COL13A1: variants seen among roughly 807,000 people sequenced by gnomAD.
The protein encoded by COL13A1 is collagen type XIII alpha 1 chain, also known as collagen alpha-1(XIII) chain.
Under a neutral mutation model 130.9 loss-of-function variants are expected in COL13A1, and 89 were observed. The observed-to-expected ratio is 0.68, with a 90% confidence interval of 0.57 to 0.81. The LOEUF is 0.81. Among genes scored for constraint, COL13A1 ranks in the 30% least tolerant of loss-of-function variants. COL13A1 has a pLI of 0.00. For missense variants in COL13A1, 879 were observed against 934.6 expected, an observed-to-expected ratio of 0.94 and a Z score of 0.78; for synonymous variants, 402 against 341.6, an observed-to-expected ratio of 1.18 and a Z score of -1.95.
intron 7 of COL13A1, among the ~76,000 whole-genome samples, chr10:69,885,146 AGG>A (rs879345134): frequency 1.3e-5 from 2 of 152,372 alleles, no homozygotes; most frequent in African/African-American, 4.8e-5. Context: ...AAACTGGGGA[AGG>A]CCCTTTTAAA....
intron 34 of COL13A1, among the ~76,000 whole-genome samples, chr10:69,938,326 G>T (rs899483464): frequency 6.6e-5 from 10 of 152,142 alleles, no homozygotes; most frequent in African/African-American, 2.4e-4. Context: ...GCTGGATAGG[G>T]CTGATGGCCT....
Position 69,940,972 on chromosome 10 carries a change from T to C in COL13A1, c.1879-16T>C. The C allele has an allele frequency of 6.2e-7, 1 of 1,613,962 alleles. No homozygotes were observed. Among genetic ancestry groups the C allele is most frequent in the South Asian group, 1.1e-5 (1 of 91,082 alleles). ...TCTCTTCCCCTTCTTTTGGTCAAAC[T>C]GTGCCCTTCGTCCAGGGAGCTTCAG... On this transcript the variant is annotated splice_polypyrimidine_tract_variant and intron_variant, in intron 34 of 40. Coordinates refer to ENST00000645393, the MANE Select transcript of COL13A1 (RefSeq NM_001368882.1).
chr10:69,944,506 A>T (rs1363859866), intron 36 of COL13A1, among the ~76,000 whole-genome samples: 4 of 152,088 alleles, frequency 2.6e-5, no homozygotes, highest in East Asian at 3.9e-4. Context: ...AAATTTTTTT[A>T]AAATTAGCCA....
At chr10:69,885,253 T>C (rs1313976116) in intron 7 of COL13A1, among the ~76,000 whole-genome samples, 1 of 152,146 alleles carries the variant, frequency 6.6e-6, no homozygotes, top group Non-Finnish European at 1.5e-5. Context: ...AATGCCAAAT[T>C]AGAAAGAATA....
At chr10:69,822,511 G>T in intron 2 of COL13A1, 73 bp downstream of exon 2, 1 of 1,167,472 alleles carries the variant, frequency 8.6e-7, no homozygotes, top group South Asian at 1.8e-5. Context: ...TGGTGGCCAT[G>T]CTCTAGCCAC....
At chr10:69,827,481 T>C (rs1847769925) in intron 2 of COL13A1, among the ~76,000 whole-genome samples, 1 of 152,168 alleles carries the variant, frequency 6.6e-6, no homozygotes, top group Admixed American at 6.5e-5. Flanking sequence ...GCCCTGGCTG[T>C]GCTGTCCTCA....
intron 14 of COL13A1, among the ~76,000 whole-genome samples, chr10:69,900,446 A>C (rs2062073433): frequency 6.6e-6 from 1 of 152,190 alleles, no homozygotes; most frequent in Admixed American, 6.5e-5. Context: ...AGAGGTGGTG[A>C]AGCCAGAACT....
intron 1 of COL13A1, among the ~76,000 whole-genome samples, chr10:69,813,148 G>A (rs1439484955): frequency 2.0e-5 from 3 of 152,238 alleles, no homozygotes; most frequent in Non-Finnish European, 4.4e-5. Flanking sequence ...GGCAGGAAAG[G>A]AGGAAAGAGG....
chr10:69,829,217 G>A lies in COL13A1; in HGVS notation c.364+6779G>A, dbSNP rs576238453. On this transcript the variant is annotated intron_variant, in intron 2 of 40. Transcript: ENST00000645393. Reference sequence around the variant, plus strand: ...TCTGTCAATTTCCTCCACCTCCACCGTCATCACCCTTGTTCAGGGTGCTGC... The same window carrying A: ...TCTGTCAATTTCCTCCACCTCCACCATCATCACCCTTGTTCAGGGTGCTGC... 6.1e-5 allele frequency: 60 copies of A among 984,990 alleles called. No homozygotes were observed. The African/African-American group carries it at 8.4e-4, about 14-fold the overall frequency. The allele number at this position is 984,990 out of a possible 1,614,324, so 61.0% of individuals were successfully genotyped here. A position where few individuals can be genotyped will look rare whatever the true frequency, so the allele number is the denominator to read the frequency against.
chr10:69,904,996 G>T, intron 16 of COL13A1, 37 bp downstream of exon 16: 10 of 1,557,476 alleles, frequency 6.4e-6, no homozygotes, highest in Non-Finnish European at 7.8e-6. Flanking sequence ...GAACAGGTGG[G>T]AGAATTCCCT....
chr10:69,850,062 G>A (rs1589433746), intron 2 of COL13A1, among the ~76,000 whole-genome samples: 2 of 152,098 alleles, frequency 1.3e-5, no homozygotes, highest in Non-Finnish European at 1.5e-5. Flanking sequence ...TGGCTGCCCT[G>A]GAGCCATAAA....
chr10:69,820,454 G>T (rs183697975), intron 1 of COL13A1, among the ~76,000 whole-genome samples: 10 of 152,344 alleles, frequency 6.6e-5, no homozygotes, highest in Admixed American at 5.9e-4. Flanking sequence ...CTGGGTGCCA[G>T]GCCCCCAGGT....
intron 7 of COL13A1, among the ~76,000 whole-genome samples, chr10:69,883,560 C>T (rs553889453): frequency 5.9e-5 from 9 of 152,346 alleles, no homozygotes; most frequent in Non-Finnish European, 7.3e-5. Context: ...CCAGTGATCA[C>T]ATAATCCATG....
At chr10:69,850,687 A>G (rs1467274686) in intron 2 of COL13A1, among the ~76,000 whole-genome samples, 3 of 152,042 alleles carry the variant, frequency 2.0e-5, no homozygotes, top group African/African-American at 7.2e-5. Flanking sequence ...GCTGACTGTC[A>G]GCCAGCAGAC....
At chr10:69,954,932 C>G (rs1211025746) in intron 39 of COL13A1, 1 of 152,312 alleles carries the variant, frequency 6.6e-6, no homozygotes, top group Non-Finnish European at 1.5e-5. Flanking sequence ...CCTCTCTAGG[C>G]ATGGACAGTC....
chr10:69,921,331 G>A (rs1447375840), intron 21 of COL13A1, among the ~76,000 whole-genome samples: 4 of 152,182 alleles, frequency 2.6e-5, no homozygotes, highest in Non-Finnish European at 5.9e-5. Flanking sequence ...CAGCACATTG[G>A]ATAGGGGCTC....
chr10:69,918,372 G>C, intron 19 of COL13A1, 55 bp downstream of exon 19: 2 of 1,578,074 alleles, frequency 1.3e-6, no homozygotes, highest in Non-Finnish European at 8.7e-7. Flanking sequence ...AGAAGAGAGC[G>C]GGCAGAGCTG....
At chr10:69,907,622 A>G (rs1283222258) in intron 17 of COL13A1, among the ~76,000 whole-genome samples, 1 of 151,444 alleles carries the variant, frequency 6.6e-6, no homozygotes, top group Non-Finnish European at 1.5e-5. Context: ...ATGATAACTA[A>G]CCCACTCCCA....
intron 24 of COL13A1, among the ~76,000 whole-genome samples, 165 bp from the exon 25 acceptor site, chr10:69,924,798 G>C (rs1341219832): frequency 2.0e-5 from 3 of 152,034 alleles, no homozygotes; most frequent in Non-Finnish European, 4.4e-5. Context: ...GGACAGGAGT[G>C]TGGGTGGGTG....
Sources: gnomAD v4.1 joint callset for allele counts (sites outside exome capture counted in the v4.1 genomes callset) on GRCh38, gnomAD v4.1.1 for gene constraint, MANE v1.5 for transcripts, NCBI Gene and HGNC (gene_info 2026-07-23, HGNC 2026-07-21) for gene names.